Variants in LDLRAP1 observed in about 807,000 individuals in gnomAD.
LDLRAP1 encodes the protein low density lipoprotein receptor adapter protein 1.
LDLRAP1 carries 30 observed loss-of-function variants against 37.8 expected under a neutral mutation model. The observed-to-expected ratio is 0.79, with a 90% CI of 0.59 to 1.08. The LOEUF (loss-of-function observed/expected upper bound fraction) is 1.08. Ranked by LOEUF, LDLRAP1 falls within the 50% of genes least tolerant of loss-of-function variation. The pLI, the probability that LDLRAP1 is intolerant of heterozygous loss-of-function variation, is 0.00. For missense variants in LDLRAP1, 375 were observed against 401.6 expected (o/e 0.93, Z 0.57); for synonymous variants, 156 against 169.8 (o/e 0.92, Z 0.63).
chr1:25,548,300 A>T (rs1289547308), intron 1 of LDLRAP1, among the ~76,000 whole-genome samples: 1 of 147,592 alleles, frequency 6.8e-6, no homozygotes, highest in African/African-American at 2.5e-5. Context: ...GTGTGAACTC[A>T]GTTCATCCTC....
chr1:25,589,831 G>A, the LDLRAP1 span, among the ~76,000 whole-genome samples: 116 of 152,320 alleles, frequency 7.6e-4, no homozygotes, highest in African/African-American at 2.7e-3. Flanking sequence ...GGCCGGGCGC[G>A]GTGGCTCATG....
chr1:25,563,044 C>A, intron 5 of LDLRAP1, 26 bp from the exon 6 acceptor site: 1 of 1,609,868 alleles, frequency 6.2e-7, no homozygotes, highest in South Asian at 1.1e-5. Flanking sequence ...TCTGAGGCTC[C>A]AACATGTTGT....
the LDLRAP1 span, among the ~76,000 whole-genome samples, chr1:25,577,372 C>T: frequency 7.9e-5 from 12 of 152,170 alleles, no homozygotes; most frequent in African/African-American, 2.9e-4. Flanking sequence ...ACCACCAGGA[C>T]CTGGGCTGGG....
intron 7 of LDLRAP1, chr1:25,564,969 T>G: frequency 1.6e-6 from 1 of 607,830 alleles, no homozygotes; most frequent in Non-Finnish European, 3.0e-6. Flanking sequence ...CTTTCTCCTC[T>G]CCCACGTCTC....
intron 8 of LDLRAP1, among the ~76,000 whole-genome samples, chr1:25,566,401 C>T (rs1375614402): frequency 6.6e-6 from 1 of 152,184 alleles, no homozygotes; most frequent in Non-Finnish European, 1.5e-5. Context: ...CTATAATTTA[C>T]TTGACTCTCC....
intron 1 of LDLRAP1, chr1:25,553,644 G>A (rs2044127620): frequency 4.5e-6 from 2 of 441,706 alleles, no homozygotes; most frequent in Admixed American, 7.0e-5. Context: ...TTGGGGTCAG[G>A]AGTTCGAGAC....
downstream of LDLRAP1, among the ~76,000 whole-genome samples, chr1:25,571,550 G>A (rs959785347): frequency 1.1e-4 from 17 of 152,222 alleles, no homozygotes; most frequent in East Asian, 1.9e-4. Flanking sequence ...GTGCTTGCAC[G>A]TATTGTTAGC....
chr1:25,589,173 G>A, the LDLRAP1 span, among the ~76,000 whole-genome samples: 4,238 of 152,090 alleles, frequency 0.028, 214 homozygotes, highest in African/African-American at 0.094. Flanking sequence ...GCGTGGTGGC[G>A]CACATCTGTA....
At chr1:25,557,525 C>G in intron 4 of LDLRAP1, 2 of 552,602 alleles carry the variant, frequency 3.6e-6, no homozygotes, top group Non-Finnish European at 6.5e-6. Flanking sequence ...TGGGCCTGTT[C>G]TCTCTGTAAC....
downstream of LDLRAP1, among the ~76,000 whole-genome samples, chr1:25,573,766 G>A (rs1240978602): frequency 1.3e-5 from 2 of 152,210 alleles, no homozygotes; most frequent in Non-Finnish European, 2.9e-5. Flanking sequence ...GAAAAGCTAG[G>A]ACAGCACCCC....
Position 25,563,238 on chromosome 1 carries a change from G to A in LDLRAP1, c.616+85G>A, listed in dbSNP as rs1190444798. 9.1e-6 allele frequency: 10 copies of A among 1,097,492 alleles called. No homozygotes were observed. The African/African-American group carries it at 1.4e-4, about 15-fold the overall frequency. The allele number at this position is 1,097,492 out of a possible 1,614,324, so 68.0% of individuals were successfully genotyped here. On this transcript the variant is annotated intron_variant, in intron 6 of 8. Transcript: ENST00000374338. The stretch of plus-strand genomic sequence containing the variant: ...GGGGGTCCCACTCCTGCCTGGGCTG[G>A]GAGAGCCTCTTGGTTTTTCACTTGT...
intron 4 of LDLRAP1, among the ~76,000 whole-genome samples, chr1:25,561,569 C>G (rs1287587029): frequency 6.6e-6 from 1 of 152,202 alleles, no homozygotes; most frequent in Non-Finnish European, 1.5e-5. Context: ...GCTTTCTTCT[C>G]TCAGCCAGGG....
At chr1:25,571,029 A>T (rs2044597823), downstream of LDLRAP1, among the ~76,000 whole-genome samples, 1 of 152,186 alleles carries the variant, frequency 6.6e-6, no homozygotes, top group Admixed American at 6.5e-5. Flanking sequence ...CCAAAGTCTC[A>T]CATCCACTCG....
At chr1:25,576,526 C>CA in the LDLRAP1 span, among the ~76,000 whole-genome samples, 5 of 151,714 alleles carry the variant, frequency 3.3e-5, no homozygotes, top group South Asian at 8.3e-4. Context: ...AACTCCATCT[C>CA]AAAAAAACAA....
intron 7 of LDLRAP1, chr1:25,564,274 G>A (rs900718694): frequency 3.5e-5 from 6 of 172,444 alleles, no homozygotes; most frequent in Middle Eastern, 5.4e-3. Context: ...GAATCTCCCC[G>A]AGGAACCTGA....
At chr1:25,577,939 T>C in the LDLRAP1 span, among the ~76,000 whole-genome samples, 1 of 152,230 alleles carries the variant, frequency 6.6e-6, no homozygotes, top group Non-Finnish European at 1.5e-5. Context: ...ATTGTCGCAG[T>C]GGAGGTCTCC....
chr1:25,566,408 C>T (rs1037278267), intron 8 of LDLRAP1, among the ~76,000 whole-genome samples: 5 of 152,188 alleles, frequency 3.3e-5, no homozygotes, highest in South Asian at 4.1e-4. Flanking sequence ...TTACTTGACT[C>T]TCCCCTATTC....
chr1:25,573,145 A>G (rs2044628409), downstream of LDLRAP1, among the ~76,000 whole-genome samples: 2 of 152,064 alleles, frequency 1.3e-5, no homozygotes. Flanking sequence ...CCCAGGGGTA[A>G]GGCCCACCCA....
chr1:25,562,801 T>A, intron 5 of LDLRAP1, 85 bp downstream of exon 5: 1 of 1,202,036 alleles, frequency 8.3e-7, no homozygotes, highest in Non-Finnish European at 1.2e-6. Flanking sequence ...ACCGACTTCC[T>A]GCCTCATCAC....
Sources: gnomAD v4.1 joint callset for allele counts (sites outside exome capture counted in the v4.1 genomes callset) on GRCh38, gnomAD v4.1.1 for gene constraint, MANE v1.5 for transcripts, NCBI Gene and HGNC (gene_info 2026-07-23, HGNC 2026-07-21) for gene names.